The following GALNT13 variants were observed in gnomAD, a reference collection of about 807,000 sequenced individuals.
GALNT13 encodes the protein polypeptide N-acetylgalactosaminyltransferase 13.
A neutral mutation model predicts 64.2 loss-of-function variants in GALNT13; 28 were observed. The observed-to-expected ratio is 0.44, with a 90% CI of 0.32 to 0.60. GALNT13 has a LOEUF of 0.60. Ranked by LOEUF, GALNT13 falls within the 20% of genes least tolerant of loss-of-function variation. The pLI, the probability that GALNT13 is intolerant of heterozygous loss-of-function variation, is 0.05. For synonymous variants in GALNT13, 214 were observed against 224.6 expected (o/e 0.95, Z 0.42); for missense variants, 577 against 669.8 (o/e 0.86, Z 1.53).
the GALNT13 span, among the ~76,000 whole-genome samples, chr2:153,096,244 G>GT: frequency 2.4e-4 from 36 of 148,948 alleles, no homozygotes; most frequent in South Asian, 2.6e-3. Context: ...ATTTTAGTTT[G>GT]TTTTTTTTTG....
chr2:153,644,547 T>C, the GALNT13 span, among the ~76,000 whole-genome samples: 2 of 151,948 alleles, frequency 1.3e-5, no homozygotes, highest in Admixed American at 1.3e-4. Context: ...TTTCTCGTGA[T>C]TATTGATTCC....
At chr2:154,449,614 A>AAT (rs1038227164) in intron 12 of GALNT13, among the ~76,000 whole-genome samples, 1 of 151,772 alleles carries the variant, frequency 6.6e-6, no homozygotes, top group Non-Finnish European at 1.5e-5. Flanking sequence ...AAATAGCAGA[A>AAT]ATATATATAA....
chr2:153,846,996 G>A, the GALNT13 span, among the ~76,000 whole-genome samples: 4 of 151,924 alleles, frequency 2.6e-5, no homozygotes, highest in Non-Finnish European at 5.9e-5. Context: ...CTGTTTATAA[G>A]AGACACATCT....
At chr2:153,169,125 C>T in the GALNT13 span, among the ~76,000 whole-genome samples, 1 of 152,182 alleles carries the variant, frequency 6.6e-6, no homozygotes, top group Non-Finnish European at 1.5e-5. Context: ...ATCAACTAAA[C>T]ACAAAGGTTC....
the GALNT13 span, among the ~76,000 whole-genome samples, chr2:153,718,763 A>T: frequency 4.6e-5 from 7 of 152,198 alleles, no homozygotes; most frequent in African/African-American, 7.2e-5. Context: ...GTTGTTAAGA[A>T]CAATTCACAT....
intron 10 of GALNT13, among the ~76,000 whole-genome samples, chr2:154,403,780 T>G (rs1284241907): frequency 6.6e-6 from 1 of 152,174 alleles, no homozygotes; most frequent in African/African-American, 2.4e-5. Context: ...TTAGCTCTGT[T>G]TAAGCAGAAC....
intron 3 of GALNT13, among the ~76,000 whole-genome samples, chr2:154,138,619 G>A (rs538364939): frequency 6.7e-6 from 1 of 149,502 alleles, no homozygotes; most frequent in African/African-American, 2.4e-5. Flanking sequence ...GTTAATAGGA[G>A]CGCCCATGTC....
the GALNT13 span, among the ~76,000 whole-genome samples, chr2:153,685,107 G>T: frequency 1.8e-4 from 27 of 151,910 alleles, no homozygotes; most frequent in South Asian, 2.1e-4. Context: ...GAATAGTGCT[G>T]CAATGAACAT....
the GALNT13 span, among the ~76,000 whole-genome samples, chr2:153,110,001 T>A: frequency 6.6e-6 from 1 of 152,102 alleles, no homozygotes; most frequent in African/African-American, 2.4e-5. Flanking sequence ...TGGGGTTAAA[T>A]GTACATCTGT....
the GALNT13 span, among the ~76,000 whole-genome samples, chr2:153,667,251 C>G: frequency 6.6e-6 from 1 of 152,128 alleles, no homozygotes; most frequent in Non-Finnish European, 1.5e-5. Context: ...CCTCACTAGA[C>G]AGGTAAACAT....
At chr2:153,158,819 T>C in the GALNT13 span, 1 of 152,224 alleles carries the variant, frequency 6.6e-6, no homozygotes, top group Admixed American at 6.5e-5. Flanking sequence ...AAAATAAAGT[T>C]AAATTGAGCT....
At chr2:153,204,458 T>C in the GALNT13 span, among the ~76,000 whole-genome samples, 1 of 152,186 alleles carries the variant, frequency 6.6e-6, no homozygotes, top group Non-Finnish European at 1.5e-5. Context: ...TCCAAACAGC[T>C]TTTTTAGTTA....
At chr2:153,169,227 A>G in the GALNT13 span, among the ~76,000 whole-genome samples, 1 of 152,186 alleles carries the variant, frequency 6.6e-6, no homozygotes, top group African/African-American at 2.4e-5. Context: ...TTGACCTGAG[A>G]ATGGGACAGA....
At chr2:153,555,881 A>T in the GALNT13 span, among the ~76,000 whole-genome samples, 4 of 152,246 alleles carry the variant, frequency 2.6e-5, no homozygotes, top group African/African-American at 4.8e-5. Context: ...ATTAGCAAAT[A>T]ACTTATTTCA....
At chr2:153,146,413 G>A in the GALNT13 span, among the ~76,000 whole-genome samples, 5 of 151,758 alleles carry the variant, frequency 3.3e-5, no homozygotes, top group African/African-American at 1.2e-4. Context: ...TTTATTCTGG[G>A]TTGGAGAAAA....
At chr2:153,535,053 A>T in the GALNT13 span, among the ~76,000 whole-genome samples, 2 of 151,914 alleles carry the variant, frequency 1.3e-5, no homozygotes, top group South Asian at 2.1e-4. Context: ...AGAATGGGCG[A>T]TGTTTCTCAG....
the GALNT13 span, among the ~76,000 whole-genome samples, chr2:153,154,866 T>C: frequency 5.9e-5 from 9 of 152,200 alleles, no homozygotes; most frequent in African/African-American, 2.2e-4. Flanking sequence ...TGTGGGTTTG[T>C]CGTATATGGC....
At chr2:154,084,826 T>G (rs1701447574) in intron 3 of GALNT13, among the ~76,000 whole-genome samples, 1 of 151,930 alleles carries the variant, frequency 6.6e-6, no homozygotes, top group Non-Finnish European at 1.5e-5. Context: ...AAGAATCTAT[T>G]TATATTTTGA....
At chr2:153,420,614 T>C in the GALNT13 span, 1 of 206,620 alleles carries the variant, frequency 4.8e-6, no homozygotes, top group East Asian at 1.2e-4. Context: ...TGTCAGCTAA[T>C]GTCAAAGCTG....
Sources: allele counts gnomAD v4.1 joint callset (sites outside exome capture counted in the v4.1 genomes callset), GRCh38; gene constraint gnomAD v4.1.1; transcripts MANE v1.5; gene names NCBI Gene and HGNC (gene_info 2026-07-23, HGNC 2026-07-21).